Variants in MACROD1 observed in about 807,000 individuals in gnomAD.
MACROD1 encodes the protein mono-ADP ribosylhydrolase 1.
Under a neutral mutation model 41.4 loss-of-function variants are expected in MACROD1, and 31 were observed. The observed-to-expected ratio is 0.75, with a 90% CI of 0.56 to 1.01. The LOEUF is 1.01. Ranked by LOEUF, MACROD1 falls within the 50% of genes least tolerant of loss-of-function variation. The pLI is 0.00. For synonymous variants in MACROD1, 252 were observed against 203.4 expected, an observed-to-expected ratio of 1.24 and a Z score of -2.03; for missense variants, 473 against 460.0, an observed-to-expected ratio of 1.03 and a Z score of -0.26.
chr11:64,015,328 G>T lies in MACROD1; in HGVS notation c.518-47C>A, dbSNP rs754637159. ...GCAGATCAGTGGGGAAGGGGCTGCGGCGGGAGTATCAGCCTTGAGGGGAGG... is the reference window on the plus strand; with the variant it reads ...GCAGATCAGTGGGGAAGGGGCTGCGTCGGGAGTATCAGCCTTGAGGGGAGG... On this transcript the variant is annotated intron_variant, in intron 3 of 10. Transcript: ENST00000255681. 52 of 1,570,454 alleles carry T rather than the reference G, an allele frequency of 3.3e-5. No individual in the cohort carries two copies. In the Admixed American group the frequency reaches 9.4e-4, roughly 28 times the overall value.
At chr11:64,152,857 T>C (rs1233303823) in intron 1 of MACROD1, among the ~76,000 whole-genome samples, 1 of 152,212 alleles carries the variant, frequency 6.6e-6, no homozygotes, top group East Asian at 1.9e-4. Flanking sequence ...TCACTGTCAC[T>C]GCATGCAGGC....
intron 3 of MACROD1, chr11:64,118,217 A>C: frequency 6.2e-7 from 1 of 1,613,176 alleles, no homozygotes; most frequent in Non-Finnish European, 8.5e-7. Flanking sequence ...GCAAGGCCAC[A>C]CACACCATTG....
intron 3 of MACROD1, among the ~76,000 whole-genome samples, chr11:64,085,188 C>A (rs1047926274): frequency 6.6e-6 from 1 of 152,122 alleles, no homozygotes; most frequent in Non-Finnish European, 1.5e-5. Flanking sequence ...TGGAGGAGCA[C>A]GCCCGAGTGG....
intron 5 of MACROD1, 100 bp downstream of exon 5, chr11:64,000,127 G>A: frequency 2.2e-6 from 2 of 918,190 alleles, no homozygotes; most frequent in Non-Finnish European, 3.3e-6. Flanking sequence ...GCCCCCTGAG[G>A]AGTTCCCCAG....
At chr11:64,121,033 G>A (rs576641166) in intron 3 of MACROD1, among the ~76,000 whole-genome samples, 11 of 152,302 alleles carry the variant, frequency 7.2e-5, no homozygotes, top group Admixed American at 6.5e-5. Context: ...GGCCCGGACC[G>A]TGAGAGCTGC....
At chr11:64,119,900 G>A (rs1945067562) in intron 3 of MACROD1, among the ~76,000 whole-genome samples, 1 of 151,210 alleles carries the variant, frequency 6.6e-6, no homozygotes, top group Non-Finnish European at 1.5e-5. Flanking sequence ...CTGGGGTTCC[G>A]ACGTGCCTGC....
At chr11:64,055,786 A>G (rs1341427583) in intron 3 of MACROD1, among the ~76,000 whole-genome samples, 1 of 152,070 alleles carries the variant, frequency 6.6e-6, no homozygotes. Context: ...CCCCTTTCAT[A>G]CAGAGGATGC....
In MACROD1 at chr11:64,015,286, AAGAG is replaced by A. The variant is rs751419911; in HGVS notation, c.518-9_518-6del. The A allele has an allele frequency of 1.9e-5, 30 of 1,605,780 alleles. No homozygotes were observed. Among genetic ancestry groups the A allele is most frequent in the African/African-American group, 1.3e-5 (1 of 74,620 alleles). ...CTCCGAGCAGGGAGCTGTTGGCTGCAAGAGAGAGAGACAAAGGCAGATCAGTGGG... is the reference window on the plus strand; with the variant it reads ...CTCCGAGCAGGGAGCTGTTGGCTGCAAGAGAGACAAAGGCAGATCAGTGGG... On this transcript the variant is annotated splice_polypyrimidine_tract_variant and splice_region_variant and intron_variant, in intron 3 of 10. Coordinates refer to ENST00000255681, the MANE Select transcript of MACROD1 (RefSeq NM_014067.4).
chr11:64,118,253 G>C, intron 3 of MACROD1: 1 of 1,600,220 alleles, frequency 6.2e-7, no homozygotes, highest in Non-Finnish European at 8.5e-7. Flanking sequence ...GGGGCTACCG[G>C]GACGGCGGCA....
chr11:64,142,137 G>T (rs892226104), intron 3 of MACROD1, among the ~76,000 whole-genome samples: 1 of 152,194 alleles, frequency 6.6e-6, no homozygotes, highest in Admixed American at 6.5e-5. Context: ...GTAGGGGGCT[G>T]GGCTAGGCAG....
chr11:64,014,067 C>A (rs1943048717), intron 4 of MACROD1, among the ~76,000 whole-genome samples: 1 of 152,154 alleles, frequency 6.6e-6, no homozygotes, highest in Non-Finnish European at 1.5e-5. Context: ...AGGGACCAGG[C>A]CCATCTGTGC....
rs749218718 is a variant in MACROD1, at chr11:64,117,685, A to G, written c.517+33554T>C. On this transcript the variant is annotated intron_variant, in intron 3 of 10. Transcript: ENST00000255681. ...CGGCTCAGTTGGCTGCGCCTGGGCC[A>G]CAGCCCAGCCGTGGGCTCCATCACG... 7.4e-6 allele frequency: 12 copies of G among 1,613,514 alleles called. No homozygotes were observed. Among genetic ancestry groups the G allele is most frequent in the African/African-American group, 1.3e-5 (1 of 74,958 alleles).
At chr11:64,098,871 C>T (rs987757234) in intron 3 of MACROD1, among the ~76,000 whole-genome samples, 1 of 152,210 alleles carries the variant, frequency 6.6e-6, no homozygotes, top group Non-Finnish European at 1.5e-5. Context: ...GCAGCACATA[C>T]CAGCCATCTG....
chr11:64,042,160 A>C (rs1590828093), intron 3 of MACROD1, among the ~76,000 whole-genome samples: 2 of 152,314 alleles, frequency 1.3e-5, no homozygotes, highest in South Asian at 2.1e-4. Context: ...TCTGGTGGGC[A>C]CACATGCACC....
chr11:64,047,564 T>C (rs1428524016), intron 3 of MACROD1, among the ~76,000 whole-genome samples: 1 of 152,020 alleles, frequency 6.6e-6, no homozygotes, highest in Non-Finnish European at 1.5e-5. Flanking sequence ...CAGATGTACT[T>C]AGAGGCTCCA....
intron 3 of MACROD1, among the ~76,000 whole-genome samples, chr11:64,065,517 C>CG (rs1943982475): frequency 6.6e-6 from 1 of 152,108 alleles, no homozygotes; most frequent in African/African-American, 2.4e-5. Context: ...GGGCCAGGCG[C>CG]GGTGGCTCAT....
intron 3 of MACROD1, among the ~76,000 whole-genome samples, chr11:64,025,721 CTTT>C (rs35346247): frequency 7.0e-6 from 1 of 143,074 alleles, no homozygotes. Flanking sequence ...CCCCCCGCTC[CTTT>C]TTTTTTTTTT....
chr11:64,148,715 A>G (rs145941956), intron 3 of MACROD1: 1 of 985,632 alleles, frequency 1.0e-6, no homozygotes, highest in East Asian at 1.1e-4. Flanking sequence ...CGAGGCACAG[A>G]CGCAGATTTA....
chr11:64,047,897 C>CA (rs35010371), intron 3 of MACROD1, among the ~76,000 whole-genome samples: 19,080 of 88,878 alleles, frequency 0.21, 1,705 homozygotes, highest in Non-Finnish European at 0.28. Context: ...AACTCCGTCT[C>CA]AAAAAAAAAA....
Sources: allele counts gnomAD v4.1 joint callset (sites outside exome capture counted in the v4.1 genomes callset), GRCh38; gene constraint gnomAD v4.1.1; transcripts MANE v1.5; gene names NCBI Gene and HGNC (gene_info 2026-07-23, HGNC 2026-07-21).